Variants in FAM210B observed in about 807,000 individuals in gnomAD.
FAM210B encodes the protein family with sequence similarity 210 member B.
In FAM210B, 11 loss-of-function variants were observed where a neutral mutation model predicts 14.9. That is an observed-to-expected ratio of 0.74 (90% CI 0.46 to 1.22). FAM210B has a LOEUF of 1.22. Ranked by LOEUF, FAM210B falls within the 50% of genes most tolerant of loss-of-function variation. The pLI is 0.00. For synonymous variants in FAM210B, 113 were observed against 110.2 expected (o/e 1.03, Z -0.16); for missense variants, 229 against 250.1 (o/e 0.92, Z 0.57).
At chr20:56,360,279 G>C in intron 1 of FAM210B, 1 of 468,708 alleles carries the variant, frequency 2.1e-6, no homozygotes. Context: ...GCCCAGCCCA[G>C]CTGTTCCTTC....
At chr20:56,366,019 T>G in intron 2 of FAM210B, 52 bp from the exon 3 acceptor site, 2 of 1,379,158 alleles carry the variant, frequency 1.5e-6, no homozygotes, top group Non-Finnish European at 2.0e-6. Context: ...AATCAATTTC[T>G]TCATTTAATC....
chr20:56,365,146 G>A lies in FAM210B; in HGVS notation c.246G>A (p.Lys82=). The change falls in exon 2 of 3, where the codon AAG becomes AAA. Residue 82 remains lysine, a synonymous_variant. Transcript: ENST00000371384. ...GSSVSCTEEK[K]QSKSQQLKKI... ...GCGTCAGCTGCACAGAGGAGAAAAA[G>A]CAAAGCAAGTCACAGCAACTGAAAA... is the stretch of plus-strand genomic sequence containing the variant. 6.2e-7 allele frequency: 1 copy of A among 1,614,086 alleles called. No individual in the cohort carries two copies. The highest frequency in any genetic ancestry group is 8.5e-7 in the Non-Finnish European group (1 of 1,180,006).
chr20:56,366,062 C>A lies in FAM210B; in HGVS notation c.363-9C>A. 6.2e-7 allele frequency: 1 copy of A among 1,602,680 alleles called. No individual in the cohort carries two copies. Among genetic ancestry groups the A allele is most frequent in the Non-Finnish European group, 8.5e-7 (1 of 1,171,744 alleles). ...GTAATAATTGTTTTCTTTGCTTCTTCCCCCCTAGTGGTGTGGACATGCCTG... is the reference window on the plus strand; with the variant it reads ...GTAATAATTGTTTTCTTTGCTTCTTACCCCCTAGTGGTGTGGACATGCCTG... On this transcript the variant is annotated splice_polypyrimidine_tract_variant and intron_variant, in intron 2 of 2. Transcript: ENST00000371384.
chr20:56,364,989 C>G, intron 1 of FAM210B, 98 bp from the exon 2 acceptor site: 1 of 1,169,436 alleles, frequency 8.6e-7, no homozygotes, highest in Non-Finnish European at 1.2e-6. Context: ...ATCTCTCATC[C>G]AGCAGGAAAG....
rs761517311 is a variant in FAM210B at position 56,362,832 on chromosome 20, C to T, written c.187-2255C>T. ...TAAAGACTATAAAGAAGAGGGCCCTCGCAGAGACAGCTGCAGTCGGTCCAG... is the reference window on the plus strand; with the variant it reads ...TAAAGACTATAAAGAAGAGGGCCCTTGCAGAGACAGCTGCAGTCGGTCCAG... On this transcript the variant is annotated intron_variant, in intron 1 of 2. Coordinates refer to ENST00000371384, the MANE Select transcript of FAM210B (RefSeq NM_080821.3). The surrounding 1 kb of genome is among the most constrained non-coding windows in gnomAD (Gnocchi z 4.8). 5.9e-5 allele frequency among the ~76,000 whole-genome samples: 9 copies of T among 152,186 alleles called. No homozygotes were observed. The highest frequency in any genetic ancestry group is 1.3e-4 in the Non-Finnish European group (9 of 68,040).
In FAM210B at chr20:56,366,067, C is replaced by G. The variant is rs764822520; in HGVS notation, c.363-4C>G. ...AATTGTTTTCTTTGCTTCTTCCCCC[C>G]TAGTGGTGTGGACATGCCTGCAATC... On this transcript the variant is annotated splice_region_variant and splice_polypyrimidine_tract_variant and intron_variant, in intron 2 of 2. Coordinates refer to ENST00000371384, the MANE Select transcript of FAM210B (RefSeq NM_080821.3). 6.2e-7 allele frequency: 1 copy of G among 1,611,794 alleles called. No individual in the cohort carries two copies. The highest frequency in any genetic ancestry group is 8.5e-7 in the Non-Finnish European group (1 of 1,178,178).
chr20:56,365,112 C>T lies in FAM210B; in HGVS notation c.212C>T (p.Thr71Ile), dbSNP rs1983603046. The T allele has an allele frequency of 1.2e-6, 2 of 1,613,444 alleles. No individual in the cohort carries two copies. The highest frequency in any genetic ancestry group is 1.3e-5 in the African/African-American group (1 of 74,928). ...GACCCCAGCCAGGCCACGGGGACAA[C>T]AGGCAGCAGCGTCAGCTGCACAGAG... ...HQDPSQATGT[T>I]GSSVSCTEEK... The change falls in exon 2 of 3, where the codon ACA (threonine) becomes ATA (isoleucine). Residue 71 changes from threonine (T) to isoleucine (I), a missense_variant. By Grantham distance (89) the Thr-to-Ile change is moderately conservative (BLOSUM62 -1). Coordinates refer to ENST00000371384, the MANE Select transcript of FAM210B (RefSeq NM_080821.3).
rs185027422 is a variant in FAM210B, at chr20:56,366,404, A to C, written c.*117A>C. On this transcript the variant is annotated 3_prime_UTR_variant, in exon 3 of 3. Coordinates refer to ENST00000371384, the MANE Select transcript of FAM210B (RefSeq NM_080821.3). ...TTGGAGAGGTAGGGGGCTAATTGCT[A>C]TGTTCTCATGGATAAACTTTGCCAG... 5.6e-6 allele frequency: 5 copies of C among 893,320 alleles called. No individual in the cohort carries two copies. The highest frequency in any genetic ancestry group is 8.5e-6 in the Non-Finnish European group (5 of 586,976). The allele number at this position is 893,320 out of a possible 1,614,324, so 55.3% of individuals were successfully genotyped here. A position where few individuals can be genotyped will look rare whatever the true frequency, so the allele number is the denominator to read the frequency against.
At position 56,367,975 on chromosome 20, in the gene FAM210B, A is replaced by G. The variant is rs952886167; in HGVS notation, c.*1688A>G. ...CATTAACTGGCCATCCTGGTTTTGC[A>G]GAGATCAGGTTGTTGACAGTTCCTG... is the stretch of plus-strand genomic sequence containing the variant. On this transcript the variant is annotated 3_prime_UTR_variant, in exon 3 of 3. Coordinates refer to ENST00000371384, the MANE Select transcript of FAM210B (RefSeq NM_080821.3). The G allele has an allele frequency of 3.2e-4, 49 of 152,464 alleles. No homozygotes were observed. Among genetic ancestry groups the G allele is most frequent in the African/African-American group, 1.1e-3 (46 of 41,594 alleles). The allele number at this position is 152,464 out of a possible 1,614,324, so 9.4% of individuals were successfully genotyped here. A position where few individuals can be genotyped will look rare whatever the true frequency, so the allele number is the denominator to read the frequency against.
intron 1 of FAM210B, among the ~76,000 whole-genome samples, chr20:56,361,232 A>G (rs770343792): frequency 7.9e-5 from 12 of 152,046 alleles, no homozygotes; most frequent in Non-Finnish European, 1.5e-4. Context: ...GCACCTTTTC[A>G]GGGAGACCTT....
chr20:56,359,047 G>C lies in FAM210B; in HGVS notation c.42G>C (p.Val14=). The change falls in exon 1 of 3, where the codon GTG becomes GTC. Residue 14 remains valine, a synonymous_variant. Transcript: ENST00000371384. The surrounding 1 kb of genome is among the most constrained non-coding windows in gnomAD (Gnocchi z 4.3). ...CGTTGCTGGGTCCGGCAGGCAGGGTGGGCGCCCGGGTCCGGCCTCGCGCCA... is the reference window on the plus strand; with the variant it reads ...CGTTGCTGGGTCCGGCAGGCAGGGTCGGCGCCCGGGTCCGGCCTCGCGCCA... ...LLALLGPAGR[V]GARVRPRATW... 5.2e-6 allele frequency: 7 copies of C among 1,351,240 alleles called. No homozygotes were observed. Among genetic ancestry groups the C allele is most frequent in the Non-Finnish European group, 4.8e-6 (5 of 1,045,918 alleles). 83.7% of individuals were successfully genotyped at this position (1,351,240 alleles called of 1,614,324 possible).
At position 56,366,506 on chromosome 20, in the gene FAM210B, T is replaced by C; in HGVS notation, c.*219T>C. 1.9e-6 allele frequency: 1 copy of C among 518,788 alleles called. No homozygotes were observed. Among genetic ancestry groups the C allele is most frequent in the Non-Finnish European group, 3.4e-6 (1 of 294,368 alleles). 32.1% of individuals were successfully genotyped at this position (518,788 alleles called of 1,614,324 possible). A position where few individuals can be genotyped will look rare whatever the true frequency, so the allele number is the denominator to read the frequency against. ...AATGCTATTCATTATAGGGCTTGTA[T>C]ATATAATCTAAAATGTCAGCAAGGC... On this transcript the variant is annotated 3_prime_UTR_variant, in exon 3 of 3. Coordinates refer to ENST00000371384, the MANE Select transcript of FAM210B (RefSeq NM_080821.3).
At position 56,359,095 on chromosome 20, in the gene FAM210B, C is replaced by A; in HGVS notation, c.90C>A (p.Ala30=). 1 of 1,339,516 alleles carries A rather than the reference C, an allele frequency of 7.5e-7. No homozygotes were observed. The allele number at this position is 1,339,516 out of a possible 1,614,324, so 83.0% of individuals were successfully genotyped here. ...CCACCTGGCTCCTGGGCGCCACCGCCCCCTGCGCCCCGCCGCCCCTGGCCC... is the reference window on the plus strand; with the variant it reads ...CCACCTGGCTCCTGGGCGCCACCGCACCCTGCGCCCCGCCGCCCCTGGCCC... ...PRATWLLGAT[A]PCAPPPLALA... Residue 30 remains alanine (A), a synonymous_variant, in exon 1 of 3, where the codon GCC becomes GCA. Transcript: ENST00000371384. This position sits in a 1 kb window ranked among gnomAD's most constrained non-coding sequence, Gnocchi z 4.3.
chr20:56,364,983 C>T, intron 1 of FAM210B, 104 bp from the exon 2 acceptor site: 1 of 1,128,216 alleles, frequency 8.9e-7, no homozygotes, highest in Non-Finnish European at 1.2e-6. Context: ...TAACTGATCT[C>T]TCATCCAGCA....
rs544859462 is a variant in FAM210B, at chr20:56,362,952, G to A, written c.187-2135G>A. On this transcript the variant is annotated intron_variant, in intron 1 of 2. Coordinates refer to ENST00000371384, the MANE Select transcript of FAM210B (RefSeq NM_080821.3). This position sits in a 1 kb window ranked among gnomAD's most constrained non-coding sequence, Gnocchi z 4.8. ...TCCTATCAGTCCCCACCACCTGGCTGCTGTCCCCTCTGCAGCCTCCCTCAG... is the reference window on the plus strand; with the variant it reads ...TCCTATCAGTCCCCACCACCTGGCTACTGTCCCCTCTGCAGCCTCCCTCAG... Among the ~76,000 whole-genome samples the A allele has an allele frequency of 6.6e-6, 1 of 152,324 alleles. No individual in the cohort carries two copies. The highest frequency in any genetic ancestry group is 2.4e-5 in the African/African-American group (1 of 41,576).
chr20:56,361,897 A>G (rs1983539702), intron 1 of FAM210B, among the ~76,000 whole-genome samples: 1 of 152,082 alleles, frequency 6.6e-6, no homozygotes, highest in Non-Finnish European at 1.5e-5. Context: ...GAATCGCTTG[A>G]ACCCGGGAGG....
chr20:56,364,868 C>T (rs1230510026), intron 1 of FAM210B, among the ~76,000 whole-genome samples: 2 of 152,080 alleles, frequency 1.3e-5, no homozygotes, highest in African/African-American at 2.4e-5. Flanking sequence ...GCAAAAGAAT[C>T]CTTTGAACCA....
rs578048729 is a variant in FAM210B at position 56,363,046 on chromosome 20, G to A, written c.187-2041G>A. ...CCCTCCACAGCCATCCTGGCCGGGG[G>A]TGGCAGGACTAGTCAGAAGGCTTCA... is the stretch of plus-strand genomic sequence containing the variant. On this transcript the variant is annotated intron_variant, in intron 1 of 2. Transcript: ENST00000371384. This position sits in a 1 kb window ranked among gnomAD's most constrained non-coding sequence, Gnocchi z 4.1. Among the ~76,000 whole-genome samples the A allele has an allele frequency of 8.3e-4, 127 of 152,360 alleles. 2 individuals are homozygous for A. The highest frequency in any genetic ancestry group is 7.9e-3 in the Admixed American group (121 of 15,304).
Position 56,359,021 on chromosome 20 carries a change from G to A in FAM210B, c.16G>A (p.Ala6Thr), listed in dbSNP as rs1346457476. The change falls in exon 1 of 3, where the codon GCG becomes ACG. Residue 6 changes from alanine to threonine, a missense_variant. Ala to Thr is a moderately conservative substitution (Grantham distance 58). Transcript: ENST00000371384. The surrounding 1 kb of genome is among the most constrained non-coding windows in gnomAD (Gnocchi z 4.3). Reference sequence around the variant, plus strand: ...GCTGCGCACCATGGCCGGGTTGCTGGCGTTGCTGGGTCCGGCAGGCAGGGT... The same window carrying A: ...GCTGCGCACCATGGCCGGGTTGCTGACGTTGCTGGGTCCGGCAGGCAGGGT... MAGLL[A>T]LLGPAGRVGA... 2.2e-6 allele frequency: 3 copies of A among 1,338,080 alleles called. No individual in the cohort carries two copies. Among genetic ancestry groups the A allele is most frequent in the Non-Finnish European group, 2.9e-6 (3 of 1,038,420 alleles). 82.9% of individuals were successfully genotyped at this position (1,338,080 alleles called of 1,614,324 possible).
Sources: gnomAD v4.1 joint callset for allele counts (sites outside exome capture counted in the v4.1 genomes callset) on GRCh38, gnomAD v4.1.1 for gene constraint, Gnocchi (gnomAD v3.1) non-coding constraint, MANE v1.5 for transcripts, NCBI Gene and HGNC (gene_info 2026-07-23, HGNC 2026-07-21) for gene names.